RGS7: variants seen among roughly 807,000 people sequenced by gnomAD.
The protein encoded by RGS7 is regulator of G protein signaling 7.
A neutral mutation model predicts 81.1 loss-of-function variants in RGS7; 27 were observed. The ratio of observed to expected loss-of-function variants is 0.33; its 90% CI spans 0.25 to 0.46. The LOEUF (loss-of-function observed/expected upper bound fraction) is 0.46. Among genes scored for constraint, RGS7 ranks in the 20% least tolerant of loss-of-function variants. The probability of loss-of-function intolerance (pLI) is 1.00; values close to 1 mark genes in which losing one functional copy is unlikely to be tolerated. For missense variants in RGS7, 396 were observed against 607.4 expected (o/e 0.65, Z 3.66); for synonymous variants, 208 against 207.7 (o/e 1.00, Z -0.01).
intron 2 of RGS7, among the ~76,000 whole-genome samples, chr1:241,207,968 C>T (rs777798033): frequency 6.6e-6 from 1 of 152,086 alleles, no homozygotes; most frequent in Admixed American, 6.5e-5. Context: ...TGCAATGGTA[C>T]GATCTCCGCT....
chr1:241,302,825 C>T (rs556650837), intron 2 of RGS7, among the ~76,000 whole-genome samples: 3 of 152,202 alleles, frequency 2.0e-5, no homozygotes, highest in Middle Eastern at 6.8e-3. Context: ...GTCTTTTCAA[C>T]CATAAGTATT....
At position 240,967,579 on chromosome 1, in the gene RGS7, G is replaced by C. The variant is rs55923437; in HGVS notation, c.226+15500C>G. ...ATTGTGCCAAGAAGTGGGGGGGGGGGGGAAAAGGCTGTAGCAAGAGTATGG... is the reference window on the plus strand; with the variant it reads ...ATTGTGCCAAGAAGTGGGGGGGGGGCGGAAAAGGCTGTAGCAAGAGTATGG... On this transcript the variant is annotated intron_variant, in intron 4 of 18. Coordinates refer to ENST00000440928, the MANE Select transcript of RGS7 (RefSeq NM_001364886.1). Among the ~76,000 whole-genome samples the C allele has an allele frequency of 1.5e-3, 112 of 74,312 alleles. 5 individuals carry two copies. The highest frequency in any genetic ancestry group is 8.9e-3 in the Middle Eastern group (1 of 112). 48.8% of individuals were successfully genotyped at this position (74,312 alleles called of 152,430 possible).
chr1:241,084,260 C>A (rs1464934749), intron 3 of RGS7, among the ~76,000 whole-genome samples: 1 of 152,192 alleles, frequency 6.6e-6, no homozygotes, highest in Non-Finnish European at 1.5e-5. Context: ...AAGATATATT[C>A]AAATTGTGAC....
At chr1:241,284,839 A>C (rs935872531) in intron 2 of RGS7, among the ~76,000 whole-genome samples, 1 of 152,018 alleles carries the variant, frequency 6.6e-6, no homozygotes, top group African/African-American at 2.4e-5. Context: ...GTTATTATCC[A>C]AAAGTTTCTG....
At chr1:241,208,527 G>A (rs1471937501) in intron 2 of RGS7, among the ~76,000 whole-genome samples, 1 of 152,068 alleles carries the variant, frequency 6.6e-6, no homozygotes, top group Non-Finnish European at 1.5e-5. Context: ...ACTTCAATGA[G>A]CTGGTCTAAT....
chr1:241,259,667 A>AAAAAAAAT, intron 2 of RGS7, among the ~76,000 whole-genome samples: 13 of 49,142 alleles, frequency 2.6e-4, no homozygotes, highest in African/African-American at 9.5e-4. Context: ...AAAAAAAAAA[A>AAAAAAAAT]ATATATATAT....
chr1:241,137,256 T>C, intron 2 of RGS7, among the ~76,000 whole-genome samples: 1 of 152,088 alleles, frequency 6.6e-6, no homozygotes, highest in Non-Finnish European at 1.5e-5. Context: ...TTGAGGGAAA[T>C]TTATGTTTCC....
At chr1:241,087,943 C>CATCTCTTTCT (rs1298123850) in intron 3 of RGS7, among the ~76,000 whole-genome samples, 52 of 106,828 alleles carry the variant, frequency 4.9e-4, no homozygotes, top group African/African-American at 1.7e-3. Context: ...AGCAAGACTC[C>CATCTCTTTCT]ATCTCTCTCT....
chr1:241,273,674 C>A (rs2078045094), intron 2 of RGS7, among the ~76,000 whole-genome samples: 1 of 152,080 alleles, frequency 6.6e-6, no homozygotes, highest in African/African-American at 2.4e-5. Context: ...CCAACTCTAG[C>A]CCTCATAGGA....
chr1:241,115,289 T>C (rs2065810730), intron 2 of RGS7, among the ~76,000 whole-genome samples: 3 of 152,200 alleles, frequency 2.0e-5, no homozygotes, highest in South Asian at 4.1e-4. Context: ...GTTGACAGAA[T>C]GGTTCATGCT....
intron 3 of RGS7, among the ~76,000 whole-genome samples, chr1:241,066,873 G>A (rs1428138213): frequency 6.6e-6 from 1 of 152,184 alleles, no homozygotes; most frequent in Non-Finnish European, 1.5e-5. Flanking sequence ...AAGAAGTTTG[G>A]TTGTCAAGAA....
chr1:241,237,441 T>C (rs1305427556), intron 2 of RGS7, among the ~76,000 whole-genome samples: 4 of 152,064 alleles, frequency 2.6e-5, no homozygotes, highest in Middle Eastern at 3.2e-3. Context: ...ACTCCAGCTA[T>C]GGGGCCAGAA....
chr1:241,293,756 A>G (rs1276410799), intron 2 of RGS7, among the ~76,000 whole-genome samples: 1 of 152,230 alleles, frequency 6.6e-6, no homozygotes, highest in East Asian at 1.9e-4. Flanking sequence ...GTCTCACACC[A>G]GTTAGAATGG....
chr1:241,216,859 A>C (rs2074588888), intron 2 of RGS7, among the ~76,000 whole-genome samples: 1 of 152,216 alleles, frequency 6.6e-6, no homozygotes, highest in Non-Finnish European at 1.5e-5. Flanking sequence ...CTAAGAATGA[A>C]AATCAATGCT....
intron 2 of RGS7, among the ~76,000 whole-genome samples, chr1:241,224,081 A>G (rs1404976828): frequency 1.4e-5 from 2 of 146,282 alleles, no homozygotes; most frequent in Non-Finnish European, 3.0e-5. Context: ...TATATATACC[A>G]TATATATATT....
At chr1:241,339,239 T>C (rs1405045012) in intron 2 of RGS7, among the ~76,000 whole-genome samples, 1 of 152,238 alleles carries the variant, frequency 6.6e-6, no homozygotes, top group Admixed American at 6.5e-5. Flanking sequence ...TAAGGCTGCG[T>C]AGTATTCCAT....
chr1:240,860,951 A>G (rs1662091110), intron 9 of RGS7, among the ~76,000 whole-genome samples: 1 of 152,170 alleles, frequency 6.6e-6, no homozygotes. Context: ...ACCCTTAGCA[A>G]AATCCTTTGT....
chr1:240,815,192 G>T (rs10926360), intron 11 of RGS7, among the ~76,000 whole-genome samples: 71,278 of 151,602 alleles, frequency 0.47, 18,411 homozygotes, highest in Non-Finnish European at 0.58. Context: ...TATACAAAAA[G>T]TAGCCAGGTG....
At chr1:241,186,419 C>A in intron 2 of RGS7, 1 of 824,252 alleles carries the variant, frequency 1.2e-6, no homozygotes, top group Non-Finnish European at 1.5e-6. Context: ...CCACAAGAAA[C>A]AACATCTAAG....
Sources: gnomAD v4.1 joint callset for allele counts (sites outside exome capture counted in the v4.1 genomes callset) on GRCh38, gnomAD v4.1.1 for gene constraint, MANE v1.5 for transcripts, NCBI Gene and HGNC (gene_info 2026-07-23, HGNC 2026-07-21) for gene names.